The following FGFR1 variants were observed in gnomAD, a reference collection of about 807,000 sequenced individuals.
FGFR1 encodes the protein FGFR1/PLAG1 fusion.
FGFR1 carries 18 observed loss-of-function variants against 93.7 expected under a neutral mutation model. That is an observed-to-expected ratio of 0.19 (90% confidence interval 0.13 to 0.28). The LOEUF is 0.28. Among genes scored for constraint, FGFR1 ranks in the 10% least tolerant of loss-of-function variants. FGFR1 has a pLI of 1.00. For missense variants in FGFR1, 731 were observed against 1,080.4 expected (o/e 0.68, Z 4.53); for synonymous variants, 448 against 429.3 (o/e 1.04, Z -0.54).
intron 2 of FGFR1, among the ~76,000 whole-genome samples, chr8:38,442,394 T>TGTGTGTGTGTGC (rs1491339303): frequency 1.4e-5 from 2 of 147,054 alleles, no homozygotes; most frequent in Non-Finnish European, 1.5e-5. Context: ...TGTGTGTGTG[T>TGTGTGTGTGTGC]GCAGGGGTCC....
Position 38,468,533 on chromosome 8 carries a change from C to T in FGFR1, c.-641G>A, listed in dbSNP as rs1270273799. On this transcript the variant is annotated 5_prime_UTR_variant, in exon 1 of 18. Transcript: ENST00000447712. Reference sequence around the variant, plus strand: ...GCCCAGCTCCCGGCACACCCGGGTTCCTCCGCGCGCTGCGGCTGCACCGGC... The same window carrying T: ...GCCCAGCTCCCGGCACACCCGGGTTTCTCCGCGCGCTGCGGCTGCACCGGC... 8.7e-6 allele frequency: 2 copies of T among 228,590 alleles called. No homozygotes were observed. Among genetic ancestry groups the T allele is most frequent in the Non-Finnish European group, 1.7e-5 (2 of 114,964 alleles). The allele number at this position is 228,590 out of a possible 1,614,324, so 14.2% of individuals were successfully genotyped here. A position where few individuals can be genotyped will look rare whatever the true frequency, so the allele number is the denominator to read the frequency against.
At chr8:38,454,433 T>G (rs1832083310) in intron 2 of FGFR1, among the ~76,000 whole-genome samples, 1 of 152,182 alleles carries the variant, frequency 6.6e-6, no homozygotes, top group Non-Finnish European at 1.5e-5. Flanking sequence ...TAAACTCCCC[T>G]CAAACCTCCC....
chr8:38,445,742 T>C (rs976265218), intron 2 of FGFR1, among the ~76,000 whole-genome samples: 1 of 151,532 alleles, frequency 6.6e-6, no homozygotes, highest in Non-Finnish European at 1.5e-5. Context: ...AGAGACACTA[T>C]GTTGGCCAGG....
intron 2 of FGFR1, among the ~76,000 whole-genome samples, chr8:38,451,226 T>A (rs1409747495): frequency 6.6e-6 from 1 of 151,986 alleles, no homozygotes; most frequent in Non-Finnish European, 1.5e-5. Context: ...CTTTTCATCA[T>A]AAGAAATCAT....
At chr8:38,449,328 G>A (rs1830354285) in intron 2 of FGFR1, among the ~76,000 whole-genome samples, 1 of 151,964 alleles carries the variant, frequency 6.6e-6, no homozygotes. Context: ...AATGTATAAA[G>A]TATACATTGT....
chr8:38,467,842 A>C, intron 1 of FGFR1, 139 bp downstream of exon 1: 1 of 209,880 alleles, frequency 4.8e-6, no homozygotes, highest in Non-Finnish European at 9.7e-6. Context: ...AGGAGGTGAA[A>C]GGGGCGGGCG....
chr8:38,449,883 G>A (rs1210323537), intron 2 of FGFR1, among the ~76,000 whole-genome samples: 3 of 152,234 alleles, frequency 2.0e-5, no homozygotes. Context: ...GAACTGTTGT[G>A]AGCCAAGAAA....
rs572829653 is a variant in FGFR1, at chr8:38,413,379, C to T, written c.*249G>A. ...GCAGGGAGGGGTGTTGGTCCAACATCTGGGAGGGGATGAAGTGGCTGGCAG... is the reference window on the plus strand; with the variant it reads ...GCAGGGAGGGGTGTTGGTCCAACATTTGGGAGGGGATGAAGTGGCTGGCAG... On this transcript the variant is annotated 3_prime_UTR_variant, in exon 18 of 18. Coordinates refer to ENST00000447712, the MANE Select transcript of FGFR1 (RefSeq NM_023110.3). This position sits in a 1 kb window ranked among gnomAD's most constrained non-coding sequence, Gnocchi z 4.2. The T allele has an allele frequency of 1.8e-5, 10 of 557,190 alleles. No individual in the cohort carries two copies. Among genetic ancestry groups the T allele is most frequent in the Non-Finnish European group, 3.2e-5 (10 of 314,704 alleles). The allele number at this position is 557,190 out of a possible 1,614,324, so 34.5% of individuals were successfully genotyped here. A position where few individuals can be genotyped will look rare whatever the true frequency, so the allele number is the denominator to read the frequency against.
rs189229906 is a variant in FGFR1 at position 38,467,436 on chromosome 8, G to A, written c.-89+545C>T. Reference sequence around the variant, plus strand: ...CCCAACCCGCACCCCAGGCTTTCCCGGGGGTGGAAAAGGACTTAGGAATGC... The same window carrying A: ...CCCAACCCGCACCCCAGGCTTTCCCAGGGGTGGAAAAGGACTTAGGAATGC... On this transcript the variant is annotated intron_variant, in intron 1 of 17. Coordinates refer to ENST00000447712, the MANE Select transcript of FGFR1 (RefSeq NM_023110.3). Among the ~76,000 whole-genome samples, 3 of 152,180 alleles carry A rather than the reference G, an allele frequency of 2.0e-5. No individual in the cohort carries two copies. In the East Asian group the frequency reaches 5.8e-4, roughly 29 times the overall value.
chr8:38,433,558 C>T (rs1824092897), intron 2 of FGFR1, among the ~76,000 whole-genome samples: 1 of 152,286 alleles, frequency 6.6e-6, no homozygotes, highest in South Asian at 2.1e-4. Flanking sequence ...GATCTGCCCG[C>T]CTCGGTCCTT....
intron 4 of FGFR1, 106 bp from the exon 5 acceptor site, chr8:38,428,199 C>T (rs1247985602): frequency 6.5e-7 from 1 of 1,530,032 alleles, no homozygotes; most frequent in East Asian, 2.2e-5. Context: ...CCCATCTGCC[C>T]AACACCTGTG....
chr8:38,462,751 G>C (rs1834690919), intron 1 of FGFR1, among the ~76,000 whole-genome samples: 1 of 151,718 alleles, frequency 6.6e-6, no homozygotes, highest in Admixed American at 6.6e-5. Flanking sequence ...TTACAGACAT[G>C]AGCCACCAAG....
At chr8:38,439,330 A>G (rs1826546115) in intron 2 of FGFR1, among the ~76,000 whole-genome samples, 2 of 151,902 alleles carry the variant, frequency 1.3e-5, no homozygotes, top group South Asian at 4.2e-4. Context: ...GCCACAGGAG[A>G]CAGCACCCTG....
intron 5 of FGFR1, among the ~76,000 whole-genome samples, chr8:38,427,565 C>A (rs1254690055): frequency 6.6e-6 from 1 of 152,200 alleles, no homozygotes; most frequent in Non-Finnish European, 1.5e-5. Flanking sequence ...TAGGCGTGAG[C>A]CACCATGCCC....
At position 38,418,005 on chromosome 8, in the gene FGFR1, C is replaced by G; in HGVS notation, c.1431-14G>C. 6.2e-7 allele frequency: 1 copy of G among 1,614,160 alleles called. No homozygotes were observed. Among genetic ancestry groups the G allele is most frequent in the Non-Finnish European group, 8.5e-7 (1 of 1,180,012 alleles). On this transcript the variant is annotated splice_polypyrimidine_tract_variant and intron_variant, in intron 10 of 17. Transcript: ENST00000447712. ...CCTAAGACCAGTCTTTCGGGGGAAA[C>G]AGAGAGTGGCATAAGTTGGGGCTGG...
intron 5 of FGFR1, among the ~76,000 whole-genome samples, chr8:38,427,407 T>G (rs2150897465): frequency 6.6e-6 from 1 of 152,264 alleles, no homozygotes; most frequent in South Asian, 2.1e-4. Context: ...GCCTCCCCAG[T>G]AGCTGGGATT....
At chr8:38,441,851 G>A (rs1827599126) in intron 2 of FGFR1, among the ~76,000 whole-genome samples, 1 of 152,094 alleles carries the variant, frequency 6.6e-6, no homozygotes, top group Admixed American at 6.6e-5. Context: ...AACATTTCCT[G>A]AACAACTTGC....
chr8:38,423,656 T>C (rs1164244798), intron 7 of FGFR1: 1 of 146,248 alleles, frequency 6.8e-6, no homozygotes, highest in Admixed American at 6.8e-5. Context: ...GTCCAAAGCA[T>C]TTGATTAAAA....
chr8:38,433,730 C>G (rs146405035), intron 2 of FGFR1, among the ~76,000 whole-genome samples: 2 of 152,366 alleles, frequency 1.3e-5, no homozygotes, highest in South Asian at 2.1e-4. Flanking sequence ...CAAATTCACA[C>G]TCAATTACAT....
Sources: gnomAD v4.1 joint callset for allele counts (sites outside exome capture counted in the v4.1 genomes callset) on GRCh38, gnomAD v4.1.1 for gene constraint, Gnocchi (gnomAD v3.1) non-coding constraint, MANE v1.5 for transcripts, NCBI Gene and HGNC (gene_info 2026-07-23, HGNC 2026-07-21) for gene names.